Variants in GET1 observed in about 807,000 individuals in gnomAD.
GET1 encodes congenital heart disease 5 protein.
Under a neutral mutation model 22.6 loss-of-function variants are expected in GET1, and 20 were observed. The ratio of observed to expected loss-of-function variants is 0.89; its 90% CI spans 0.62 to 1.29. The LOEUF (loss-of-function observed/expected upper bound fraction) is 1.29. GET1 is among the 50% of genes most tolerant of loss of function. The pLI, the probability that GET1 is intolerant of heterozygous loss-of-function variation, is 0.00. For synonymous variants in GET1, 92 were observed against 83.8 expected (o/e 1.10, Z -0.53); for missense variants, 209 against 219.9 (o/e 0.95, Z 0.31).
chr21:39,417,014 CTTTGGATATTTAGGGATAGCTTTT>C lies in GET1; in HGVS notation c.*23+6079_*23+6102del, dbSNP rs549722335. Among the ~76,000 whole-genome samples, 430 of 152,196 alleles carry C rather than the reference CTTTGGATATTTAGGGATAGCTTTT, an allele frequency of 2.8e-3. 4 individuals are homozygous for C. The highest frequency in any genetic ancestry group is 9.7e-3 in the African/African-American group (405 of 41,542). ...CACATTTGGGTTCATCTGCATTTTA[CTTTGGATATTTAGGGATAGCTTTT>C]TATTTTATTTTTGAGACAGAGTCTC... On this transcript the variant is annotated intron_variant, in intron 1 of 1. Transcript: ENST00000478273.
Position 39,380,351 on chromosome 21 carries a change from C to G in GET1, c.-34C>G, listed in dbSNP as rs1269602203. 6.4e-6 allele frequency: 10 copies of G among 1,571,280 alleles called. No individual in the cohort carries two copies. The East Asian group carries it at 9.4e-5, about 15-fold the overall frequency. Reference sequence around the variant, plus strand: ...GTTGTTGTGGTCCCCATGGAGCTGCCGTAGCGGACCCAGCACAGCCAGGAG... The same window carrying G: ...GTTGTTGTGGTCCCCATGGAGCTGCGGTAGCGGACCCAGCACAGCCAGGAG... On this transcript the variant is annotated 5_prime_UTR_variant, in exon 1 of 5. Coordinates refer to ENST00000649170, the MANE Select transcript of GET1 (RefSeq NM_004627.6).
At chr21:39,387,951 A>T (rs1371382179) in intron 1 of GET1, 2 of 742,692 alleles carry the variant, frequency 2.7e-6, no homozygotes, top group Non-Finnish European at 3.3e-6. Context: ...ATCTATTTTT[A>T]AAATTTCGAA....
downstream of GET1, among the ~76,000 whole-genome samples, chr21:39,409,722 A>T (rs531300435): frequency 6.6e-6 from 1 of 152,140 alleles, no homozygotes; most frequent in African/African-American, 2.4e-5. This position sits in a 1 kb window ranked among gnomAD's most constrained non-coding sequence, Gnocchi z 4.2. Flanking sequence ...CCTCCTGAGT[A>T]GCTGGGATTA....
chr21:39,387,771 A>C, intron 1 of GET1: 1 of 982,888 alleles, frequency 1.0e-6, no homozygotes, highest in Non-Finnish European at 1.2e-6. Context: ...GCGCATGCGC[A>C]GACACCCTCA....
At chr21:39,385,311 C>T (rs377019535) in intron 1 of GET1, among the ~76,000 whole-genome samples, 1 of 152,174 alleles carries the variant, frequency 6.6e-6, no homozygotes, top group African/African-American at 2.4e-5. Flanking sequence ...TGGTCTCCCC[C>T]CTCCCCCCGC....
intron 1 of GET1, among the ~76,000 whole-genome samples, chr21:39,425,047 ATATG>A (rs1410455540): frequency 2.6e-5 from 4 of 152,220 alleles, no homozygotes; most frequent in Non-Finnish European, 2.9e-5. Flanking sequence ...ATATAGAGGT[ATATG>A]TATGTGTGCA....
At chr21:39,419,510 G>T (rs1240164510) in intron 1 of GET1, among the ~76,000 whole-genome samples, 2 of 125,076 alleles carry the variant, frequency 1.6e-5, no homozygotes, top group Non-Finnish European at 3.2e-5. Flanking sequence ...GGGCAACAGA[G>T]CAAGACCCTG....
intron 1 of GET1, among the ~76,000 whole-genome samples, chr21:39,384,664 G>A (rs1277388061): frequency 4.6e-5 from 7 of 150,940 alleles, no homozygotes; most frequent in South Asian, 4.2e-4. Flanking sequence ...AGATTATTTC[G>A]TCACCCAGTT....
chr21:39,409,447 C>T (rs956369098), downstream of GET1, among the ~76,000 whole-genome samples: 9 of 152,150 alleles, frequency 5.9e-5, no homozygotes, highest in Admixed American at 1.3e-4. This position sits in a 1 kb window ranked among gnomAD's most constrained non-coding sequence, Gnocchi z 4.2. Flanking sequence ...AAACCCAAGA[C>T]GGTGGTGGTT....
At position 39,403,539 on chromosome 21, in the gene GET1, A is replaced by G. The variant is rs1020951326; in HGVS notation, c.350-2375A>G. ...GACGGGGTTCACCGTGTTAGCCAGG[A>G]TGGTCTCGATCTGACTTCATGATCC... On this transcript the variant is annotated intron_variant, in intron 4 of 4. Coordinates refer to the GET1 transcript ENST00000415847. Among the ~76,000 whole-genome samples, 8 of 124,164 alleles carry G rather than the reference A, an allele frequency of 6.4e-5. No homozygotes were observed. The South Asian group carries it at 9.5e-4, about 15-fold the overall frequency. The allele number at this position is 124,164 out of a possible 152,430, so 81.5% of individuals were successfully genotyped here.
At chr21:39,390,932 T>G in intron 2 of GET1, 69 bp downstream of exon 2, 1 of 1,545,472 alleles carries the variant, frequency 6.5e-7, no homozygotes, top group Non-Finnish European at 8.8e-7. Flanking sequence ...ATGTGAAGAT[T>G]AGTAGAATAC....
rs1601723297 is a variant in GET1, at chr21:39,412,346, T to G, written c.*23+1409T>G. On this transcript the variant is annotated intron_variant, in intron 1 of 1. Transcript: ENST00000478273. ...AAGCCTAGAACAAGGGTATCATTGT[T>G]CCATTTTAAATTTCATATTGATTTT... 2.0e-5 allele frequency among the ~76,000 whole-genome samples: 3 copies of G among 152,196 alleles called. No individual in the cohort carries two copies. The East Asian group carries it at 5.8e-4, about 29-fold the overall frequency.
At chr21:39,427,434 A>G (rs956994569) in intron 1 of GET1, among the ~76,000 whole-genome samples, 1 of 152,004 alleles carries the variant, frequency 6.6e-6, no homozygotes, top group Non-Finnish European at 1.5e-5. Flanking sequence ...AGGCCGAGGC[A>G]GGCGGATCAC....
intron 2 of GET1, 155 bp downstream of exon 2, chr21:39,391,018 C>T (rs1601621374): frequency 1.3e-6 from 1 of 752,550 alleles, no homozygotes; most frequent in Non-Finnish European, 2.0e-6. Flanking sequence ...ATAAGTATTA[C>T]TTTCCTCTTA....
intron 1 of GET1, among the ~76,000 whole-genome samples, chr21:39,413,378 C>G (rs2040449825): frequency 6.6e-6 from 1 of 152,218 alleles, no homozygotes; most frequent in African/African-American, 2.4e-5. Context: ...CTGAGACAAG[C>G]TTTTATCCAT....
chr21:39,390,719 G>A lies in GET1; in HGVS notation c.124G>A (p.Asp42Asn). The A allele has an allele frequency of 6.2e-7, 1 of 1,614,182 alleles. No homozygotes were observed. Among genetic ancestry groups the A allele is most frequent in the Non-Finnish European group, 8.5e-7 (1 of 1,180,042 alleles). Reference sequence around the variant, plus strand: ...CCAGATGTCCAGGGTGCTGCAGAAGGACGCGGAGCAGGAGTCACAGATGAG... The same window carrying A: ...CCAGATGTCCAGGGTGCTGCAGAAGAACGCGGAGCAGGAGTCACAGATGAG... The part of the protein sequence containing the change: ...SSFMSRVLQK[D>N]AEQESQMRAE... Residue 42 changes from aspartate to asparagine, a missense_variant, in exon 2 of 5, where the codon GAC (aspartate) becomes AAC (asparagine). Asp to Asn is a conservative substitution (Grantham distance 23, BLOSUM62 1). Transcript: ENST00000649170.
At position 39,427,400 on chromosome 21, in the gene GET1, C is replaced by T. The variant is rs572303452; in HGVS notation, c.*24-832C>T. On this transcript the variant is annotated intron_variant, in intron 1 of 1. Transcript: ENST00000478273. ...ACAAAGAGCCGGGCGCGGTGGCTCA[C>T]GCCTGTAATCCCAGCACTTTGGGAG... Among the ~76,000 whole-genome samples the T allele has an allele frequency of 2.0e-3, 312 of 152,200 alleles. 3 individuals are homozygous for T. Among genetic ancestry groups the T allele is most frequent in the Admixed American group, 2.6e-3 (39 of 15,290 alleles).
At chr21:39,415,383 AT>A (rs773251334) in intron 1 of GET1, among the ~76,000 whole-genome samples, 14 of 152,344 alleles carry the variant, frequency 9.2e-5, no homozygotes, top group Admixed American at 3.3e-4. Flanking sequence ...ATATAAAAAA[AT>A]AAAAGTAGAA....
rs150985937 is a variant in GET1 at position 39,405,629 on chromosome 21, A to T, written c.350-285A>T. Reference sequence around the variant, plus strand: ...ACAGAATACTAAAACCATATAGTAAACCAGTCTTCCAGAAGATAATGGATG... The same window carrying T: ...ACAGAATACTAAAACCATATAGTAATCCAGTCTTCCAGAAGATAATGGATG... On this transcript the variant is annotated intron_variant, in intron 4 of 4. Transcript: ENST00000415847. Among the ~76,000 whole-genome samples the T allele has an allele frequency of 1.1e-4, 17 of 152,338 alleles. No individual in the cohort carries two copies. In the East Asian group the frequency reaches 3.1e-3, roughly 28 times the overall value.
Sources: gnomAD v4.1 joint callset for allele counts (sites outside exome capture counted in the v4.1 genomes callset) on GRCh38, gnomAD v4.1.1 for gene constraint, Gnocchi (gnomAD v3.1) non-coding constraint, MANE v1.5 for transcripts, NCBI Gene and HGNC (gene_info 2026-07-23, HGNC 2026-07-21) for gene names.